The following BLNK variants were observed in gnomAD, a reference collection of about 807,000 sequenced individuals.
The protein encoded by BLNK is B-cell linker protein.
In BLNK, 29 loss-of-function variants were observed where a neutral mutation model predicts 73.5. The ratio of observed to expected loss-of-function variants is 0.39; its 90% CI spans 0.29 to 0.54. The LOEUF (loss-of-function observed/expected upper bound fraction) is 0.54. Ranked by LOEUF, BLNK falls within the 20% of genes least tolerant of loss-of-function variation. BLNK has a pLI of 0.61. For missense variants in BLNK, 460 were observed against 562.8 expected (o/e 0.82, Z 1.85); for synonymous variants, 176 against 200.8 (o/e 0.88, Z 1.04).
intron 9 of BLNK, among the ~76,000 whole-genome samples, chr10:96,208,174 T>C (rs916403328): frequency 6.6e-6 from 1 of 152,130 alleles, no homozygotes; most frequent in African/African-American, 2.4e-5. Flanking sequence ...GTTGCACTAA[T>C]TACTTGGCGG....
chr10:96,263,425 C>A (rs1843849992), intron 1 of BLNK, among the ~76,000 whole-genome samples: 1 of 152,202 alleles, frequency 6.6e-6, no homozygotes, highest in African/African-American at 2.4e-5. Context: ...AAGTGTGGCT[C>A]AGCAAACAGT....
intron 2 of BLNK, 39 bp from the exon 3 acceptor site, chr10:96,242,823 G>C (rs1842920906): frequency 6.5e-7 from 1 of 1,545,898 alleles, no homozygotes; most frequent in African/African-American, 1.4e-5. Flanking sequence ...TCAGTGAGCA[G>C]AACAATGATG....
chr10:96,201,303 T>A (rs2083628010), intron 13 of BLNK, among the ~76,000 whole-genome samples: 1 of 152,118 alleles, frequency 6.6e-6, no homozygotes, highest in Admixed American at 6.5e-5. Context: ...CTCATGTAGT[T>A]CCACCAGAAA....
intron 1 of BLNK, among the ~76,000 whole-genome samples, chr10:96,269,009 A>G (rs1399485586): frequency 2.0e-5 from 3 of 152,202 alleles, no homozygotes; most frequent in South Asian, 2.1e-4. Context: ...TATTTCATCT[A>G]TTGACTCCTC....
intron 4 of BLNK, 100 bp from the exon 5 acceptor site, chr10:96,227,666 A>G: frequency 6.3e-7 from 1 of 1,577,424 alleles, no homozygotes; most frequent in East Asian, 2.2e-5. Flanking sequence ...GTGACAGGAG[A>G]CAAGGCTTGG....
At chr10:96,204,760 G>A in intron 11 of BLNK, 144 bp from the exon 12 acceptor site, 1 of 727,000 alleles carries the variant, frequency 1.4e-6, no homozygotes. Context: ...TCATGGATCT[G>A]TGCACTTGCC....
At chr10:96,269,307 G>A (rs1844160528) in intron 1 of BLNK, among the ~76,000 whole-genome samples, 1 of 152,052 alleles carries the variant, frequency 6.6e-6, no homozygotes, top group African/African-American at 2.4e-5. Context: ...TTGTCCCAAA[G>A]GGAGGAATCA....
At chr10:96,244,681 G>T (rs941310987) in intron 2 of BLNK, among the ~76,000 whole-genome samples, 14 of 152,148 alleles carry the variant, frequency 9.2e-5, no homozygotes, top group African/African-American at 3.4e-4. Context: ...GTCACCCGGG[G>T]TAATGACTAT....
At chr10:96,212,484 G>A (rs2083970923) in intron 8 of BLNK, among the ~76,000 whole-genome samples, 1 of 152,138 alleles carries the variant, frequency 6.6e-6, no homozygotes, top group African/African-American at 2.4e-5. Flanking sequence ...AAACAGAGAT[G>A]ACTTCACTTG....
At chr10:96,256,904 C>CAGA (rs1452388365) in intron 1 of BLNK, among the ~76,000 whole-genome samples, 1 of 143,124 alleles carries the variant, frequency 7.0e-6, no homozygotes, top group Non-Finnish European at 1.5e-5. Context: ...AAAAAAGCAG[C>CAGA]AGAAGAAGAA....
intron 1 of BLNK, among the ~76,000 whole-genome samples, chr10:96,260,424 T>TG (rs1450429412): frequency 6.6e-6 from 1 of 152,228 alleles, no homozygotes; most frequent in Non-Finnish European, 1.5e-5. Context: ...ACCAAGCGAC[T>TG]GAGAAGTAGT....
intron 1 of BLNK, among the ~76,000 whole-genome samples, chr10:96,269,184 T>C (rs1164810040): frequency 6.6e-6 from 1 of 152,240 alleles, no homozygotes. Context: ...AAAGTTACTT[T>C]TATGTAAGCA....
chr10:96,228,542 C>T (rs1554903256), intron 4 of BLNK, among the ~76,000 whole-genome samples: 1 of 152,226 alleles, frequency 6.6e-6, no homozygotes, highest in East Asian at 1.9e-4. Flanking sequence ...CAGGCATGAG[C>T]CACTGCGCCT....
intron 1 of BLNK, among the ~76,000 whole-genome samples, chr10:96,253,358 A>G (rs1001574069): frequency 1.4e-4 from 21 of 152,150 alleles, no homozygotes; most frequent in African/African-American, 5.1e-4. Flanking sequence ...AGAGATGACC[A>G]GACCACATGG....
intron 4 of BLNK, among the ~76,000 whole-genome samples, chr10:96,228,102 T>TTTC: frequency 6.6e-6 from 1 of 151,020 alleles, no homozygotes; most frequent in South Asian, 2.1e-4. Flanking sequence ...TTTCTTTTTT[T>TTTC]TTTTTTCCTG....
chr10:96,194,205 T>C (rs957415765), intron 16 of BLNK, among the ~76,000 whole-genome samples: 4 of 152,200 alleles, frequency 2.6e-5, no homozygotes, highest in Non-Finnish European at 5.9e-5. Flanking sequence ...GGACAGCTTC[T>C]TCACCCACCC....
At chr10:96,237,100 T>A (rs1554905218) in intron 3 of BLNK, among the ~76,000 whole-genome samples, 1 of 152,170 alleles carries the variant, frequency 6.6e-6, no homozygotes, top group Admixed American at 6.5e-5. Flanking sequence ...CTATTCTTAG[T>A]TCCCTATGGC....
At chr10:96,270,613 TAA>T (rs35550791) in intron 1 of BLNK, among the ~76,000 whole-genome samples, 168 of 127,682 alleles carry the variant, frequency 1.3e-3, no homozygotes, top group African/African-American at 4.1e-3. Context: ...AAAAGTATAA[TAA>T]AAAAAAAAAA....
At chr10:96,211,386 C>G (rs2083944941) in intron 8 of BLNK, among the ~76,000 whole-genome samples, 1 of 152,152 alleles carries the variant, frequency 6.6e-6, no homozygotes, top group African/African-American at 2.4e-5. Context: ...GGCCTCTGCC[C>G]TCTCAGAATT....
Sources: allele counts gnomAD v4.1 joint callset (sites outside exome capture counted in the v4.1 genomes callset), GRCh38; gene constraint gnomAD v4.1.1; transcripts MANE v1.5; gene names NCBI Gene and HGNC (gene_info 2026-07-23, HGNC 2026-07-21).